Variants in SNTG1 observed in about 807,000 individuals in gnomAD.
SNTG1 encodes syntrophin gamma 1.
A neutral mutation model predicts 74.7 loss-of-function variants in SNTG1; 39 were observed. The observed-to-expected ratio is 0.52, with a 90% CI of 0.40 to 0.68. The LOEUF (loss-of-function observed/expected upper bound fraction) is 0.68, where lower values mean the gene tolerates loss of function less well. Among genes scored for constraint, SNTG1 ranks in the 30% least tolerant of loss-of-function variants. The pLI is 0.00. For missense variants in SNTG1, 685 were observed against 609.5 expected, an observed-to-expected ratio of 1.12 and a Z score of -1.30; for synonymous variants, 254 against 217.1, an observed-to-expected ratio of 1.17 and a Z score of -1.49.
At chr8:50,715,203 T>A (rs755395374) in intron 17 of SNTG1, among the ~76,000 whole-genome samples, 1 of 152,132 alleles carries the variant, frequency 6.6e-6, no homozygotes, top group Non-Finnish European at 1.5e-5. Context: ...GCACGGGATG[T>A]CACTGTAGCA....
At chr8:50,163,385 A>G (rs1031078872) in intron 1 of SNTG1, 1 of 151,762 alleles carries the variant, frequency 6.6e-6, no homozygotes, top group Non-Finnish European at 1.5e-5. Context: ...TAATTTTTCC[A>G]AAATTTATGT....
Position 50,572,208 on chromosome 8 carries a change from G to A in SNTG1, c.811-18671G>A, listed in dbSNP as rs151195791. Among the ~76,000 whole-genome samples the A allele has an allele frequency of 5.6e-3, 841 of 151,154 alleles. 6 individuals are homozygous for A. Among genetic ancestry groups the A allele is most frequent in the African/African-American group, 0.018 (753 of 41,148 alleles). ...CCTATAGCATCTTGTTATAATACTC[G>A]TCTCAGAGACTTAGGATTATTTATT... is the stretch of plus-strand genomic sequence containing the variant. On this transcript the variant is annotated intron_variant, in intron 12 of 18. Coordinates refer to ENST00000642720, the MANE Select transcript of SNTG1 (RefSeq NM_018967.5).
chr8:50,620,094 C>G (rs979944048), intron 13 of SNTG1, among the ~76,000 whole-genome samples: 2 of 152,058 alleles, frequency 1.3e-5, no homozygotes, highest in Non-Finnish European at 2.9e-5. Flanking sequence ...TCCAGGGGAT[C>G]TAAGGGAGAC....
intron 17 of SNTG1, among the ~76,000 whole-genome samples, chr8:50,751,158 G>T (rs1346648222): frequency 3.9e-5 from 6 of 151,936 alleles, no homozygotes; most frequent in Non-Finnish European, 8.8e-5. Flanking sequence ...ATGAGATAAA[G>T]GTATGCTAAG....
Position 50,793,934 on chromosome 8 carries a change from T to C in SNTG1, c.*1105T>C, listed in dbSNP as rs1408216565. The C allele has an allele frequency of 6.6e-6, 1 of 151,916 alleles. No homozygotes were observed. Among genetic ancestry groups the C allele is most frequent in the Non-Finnish European group, 1.5e-5 (1 of 67,900 alleles). 9.4% of individuals were successfully genotyped at this position (151,916 alleles called of 1,614,324 possible). A position where few individuals can be genotyped will look rare whatever the true frequency, so the allele number is the denominator to read the frequency against. On this transcript the variant is annotated 3_prime_UTR_variant, in exon 19 of 19. Coordinates refer to ENST00000642720, the MANE Select transcript of SNTG1 (RefSeq NM_018967.5). ...GAAAGTGATTAAGTAATGCCAACTATGCAGGTTGTTTTAGGTATTTTGTCC... is the reference window on the plus strand; with the variant it reads ...GAAAGTGATTAAGTAATGCCAACTACGCAGGTTGTTTTAGGTATTTTGTCC...
chr8:50,548,315 A>G (rs1404593589), intron 11 of SNTG1, among the ~76,000 whole-genome samples: 1 of 152,196 alleles, frequency 6.6e-6, no homozygotes, highest in East Asian at 1.9e-4. Flanking sequence ...TAGATCCTGG[A>G]TAGATATATG....
chr8:50,580,773 T>C (rs1333952746), intron 12 of SNTG1, among the ~76,000 whole-genome samples: 3 of 152,128 alleles, frequency 2.0e-5, no homozygotes, highest in African/African-American at 7.2e-5. Flanking sequence ...ATGAAACCAC[T>C]TTTCATTATA....
intron 1 of SNTG1, among the ~76,000 whole-genome samples, chr8:50,144,088 C>T (rs914559466): frequency 6.6e-6 from 1 of 152,122 alleles, no homozygotes; most frequent in Admixed American, 6.6e-5. Flanking sequence ...CATTCACTTC[C>T]AACATCCTGG....
At chr8:50,581,351 G>T (rs942279121) in intron 12 of SNTG1, among the ~76,000 whole-genome samples, 4 of 152,060 alleles carry the variant, frequency 2.6e-5, no homozygotes, top group African/African-American at 9.7e-5. Flanking sequence ...TAAATTCTAT[G>T]GTCATGTTTC....
intron 1 of SNTG1, among the ~76,000 whole-genome samples, chr8:50,008,304 T>G (rs1585870445): frequency 6.6e-6 from 1 of 152,210 alleles, no homozygotes; most frequent in African/African-American, 2.4e-5. Flanking sequence ...AATGAGCCAG[T>G]ATTAGTACCT....
chr8:49,927,740 A>G (rs1807155364), intron 1 of SNTG1, among the ~76,000 whole-genome samples: 1 of 152,092 alleles, frequency 6.6e-6, no homozygotes, highest in African/African-American at 2.4e-5. Flanking sequence ...AAACTGTATG[A>G]CACTATAATA....
intron 18 of SNTG1, among the ~76,000 whole-genome samples, chr8:50,777,400 C>A (rs1373857821): frequency 1.3e-4 from 19 of 150,500 alleles, no homozygotes; most frequent in East Asian, 1.2e-3. Flanking sequence ...TGCTGTTGAG[C>A]CATCTATTCA....
At chr8:50,463,953 C>G (rs906186914) in intron 8 of SNTG1, among the ~76,000 whole-genome samples, 3 of 152,226 alleles carry the variant, frequency 2.0e-5, no homozygotes, top group Non-Finnish European at 4.4e-5. Context: ...TGCAACTTCT[C>G]TATCAGCACT....
chr8:50,676,477 C>A (rs2095310126), intron 15 of SNTG1, among the ~76,000 whole-genome samples: 1 of 151,960 alleles, frequency 6.6e-6, no homozygotes, highest in Admixed American at 6.6e-5. Context: ...ACCATCAGTT[C>A]ATTTGTGTGT....
intron 17 of SNTG1, among the ~76,000 whole-genome samples, chr8:50,749,749 T>A (rs912781999): frequency 6.6e-6 from 1 of 152,048 alleles, no homozygotes; most frequent in African/African-American, 2.4e-5. Flanking sequence ...CATGGTTTAC[T>A]GAATATGTTA....
intron 1 of SNTG1, among the ~76,000 whole-genome samples, chr8:49,938,404 T>A (rs1305594413): frequency 6.6e-6 from 1 of 152,256 alleles, no homozygotes; most frequent in East Asian, 1.9e-4. Flanking sequence ...AGCATGTGCA[T>A]GTTTATTAAA....
chr8:50,785,427 G>C (rs1188838138), intron 18 of SNTG1, among the ~76,000 whole-genome samples: 4 of 151,920 alleles, frequency 2.6e-5, no homozygotes, highest in Admixed American at 2.6e-4. Context: ...TTAATGAAGT[G>C]TGTAAACTCT....
Position 50,385,559 on chromosome 8 carries a change from A to G in SNTG1, c.-27-8653A>G, listed in dbSNP as rs369042404. Among the ~76,000 whole-genome samples the G allele has an allele frequency of 3.3e-5, 5 of 152,190 alleles. No individual in the cohort carries two copies. In the East Asian group the frequency reaches 5.8e-4, roughly 18 times the overall value. On this transcript the variant is annotated intron_variant, in intron 2 of 18. Coordinates refer to ENST00000642720, the MANE Select transcript of SNTG1 (RefSeq NM_018967.5). ...TACTAGGTCCAATTAACTTAATGCC[A>G]TCACTGTAATGAGCCACTGTGGAAT...
Position 50,752,011 on chromosome 8 carries a change from G to A in SNTG1, c.1295G>A (p.Trp432Ter), listed in dbSNP as rs765227392. Residue 432 changes from tryptophan (W) to a stop codon, truncating the protein, a stop_gained, in exon 18 of 19, where the codon TGG (tryptophan) becomes TAG (stop). Transcript: ENST00000642720. LOFTEE classifies it high-confidence loss of function. ...TTTTCCCCCCTTTAGGCTGTCCTTT[G>A]GAGGTATAAATTCTCTCAGCTTAAA... ...CFDAATKAVL[W>*]RYKFSQLKGS... 2.6e-6 allele frequency: 4 copies of A among 1,559,242 alleles called. No individual in the cohort carries two copies. The highest frequency in any genetic ancestry group is 3.5e-6 in the Non-Finnish European group (4 of 1,159,142).
Sources: gnomAD v4.1 joint callset for allele counts (sites outside exome capture counted in the v4.1 genomes callset) on GRCh38, gnomAD v4.1.1 for gene constraint, MANE v1.5 for transcripts, NCBI Gene and HGNC (gene_info 2026-07-23, HGNC 2026-07-21) for gene names.